Variants in EMC2 observed in about 807,000 individuals in gnomAD.
The protein encoded by EMC2 is ER membrane protein complex subunit 2, also known as TPR repeat protein 35.
A neutral mutation model predicts 51.6 loss-of-function variants in EMC2; 37 were observed. The ratio of observed to expected loss-of-function variants is 0.72; its 90% CI spans 0.55 to 0.94. The LOEUF (loss-of-function observed/expected upper bound fraction) is 0.94, where lower values mean the gene tolerates loss of function less well. Ranked by LOEUF, EMC2 falls within the 40% of genes least tolerant of loss-of-function variation. The probability of loss-of-function intolerance (pLI) is 0.00; values close to 1 mark genes in which losing one functional copy is unlikely to be tolerated. For synonymous variants in EMC2, 131 were observed against 112.4 expected, an observed-to-expected ratio of 1.17 and a Z score of -1.04; for missense variants, 359 against 350.9, an observed-to-expected ratio of 1.02 and a Z score of -0.18.
chr8:108,471,925 A>G (rs1400173350), intron 7 of EMC2, among the ~76,000 whole-genome samples: 2 of 151,968 alleles, frequency 1.3e-5, no homozygotes, highest in African/African-American at 4.8e-5. Flanking sequence ...CCTCTTTAAC[A>G]ACACTGGATA....
chr8:108,462,720 C>G (rs1400760978), intron 5 of EMC2, among the ~76,000 whole-genome samples: 2 of 147,258 alleles, frequency 1.4e-5, no homozygotes, highest in African/African-American at 5.1e-5. Context: ...ATTATGAGTA[C>G]TGCTGAACAT....
chr8:108,466,345 TGAA>T (rs1404203813), intron 5 of EMC2, among the ~76,000 whole-genome samples: 1 of 152,084 alleles, frequency 6.6e-6, no homozygotes, highest in African/African-American at 2.4e-5. Context: ...TTGCTGCTGT[TGAA>T]GAGTATGTGA....
intron 1 of EMC2, chr8:108,446,019 G>C (rs900278095): frequency 6.6e-6 from 1 of 152,556 alleles, no homozygotes; most frequent in Non-Finnish European, 1.5e-5. Context: ...CCAATCTCCT[G>C]ACTTTATCAT....
rs1383064661 is a variant in EMC2, at chr8:108,488,206, C to G, written c.*1608C>G. On this transcript the variant is annotated 3_prime_UTR_variant, in exon 11 of 11. Transcript: ENST00000220853. ...TTTTGAGACAGTCTCGTTCTGTCAC[C>G]CAGGCTGGAGTGCAGTGACGTGATC... Among the ~76,000 whole-genome samples the G allele has an allele frequency of 6.6e-6, 1 of 151,304 alleles. No homozygotes were observed. Among genetic ancestry groups the G allele is most frequent in the African/African-American group, 2.4e-5 (1 of 41,164 alleles).
chr8:108,486,487 G>GTTTTT, intron 10 of EMC2, 25 bp from the exon 11 acceptor site: 1 of 1,270,596 alleles, frequency 7.9e-7, no homozygotes, highest in Non-Finnish European at 1.0e-6. Context: ...GCCTAATTGA[G>GTTTTT]CTTTTTTTTT....
chr8:108,447,137 C>T (rs1818895945), intron 1 of EMC2, among the ~76,000 whole-genome samples: 1 of 151,946 alleles, frequency 6.6e-6, no homozygotes, highest in South Asian at 2.1e-4. Flanking sequence ...AAACTGAAAC[C>T]AAAGTTGCAT....
At position 108,488,928 on chromosome 8, in the gene EMC2, T is replaced by G. The variant is rs1480838904; in HGVS notation, c.*2330T>G. Among the ~76,000 whole-genome samples, 1 of 152,146 alleles carries G rather than the reference T, an allele frequency of 6.6e-6. No individual in the cohort carries two copies. Among genetic ancestry groups the G allele is most frequent in the African/African-American group, 2.4e-5 (1 of 41,454 alleles). On this transcript the variant is annotated 3_prime_UTR_variant, in exon 11 of 11. Coordinates refer to ENST00000220853, the MANE Select transcript of EMC2 (RefSeq NM_014673.5). Reference sequence around the variant, plus strand: ...ACTGAGAAGGGCTTTCCTTTCAAATTAAAAAATCAGAGCTTTGTGTGGTAA... The same window carrying G: ...ACTGAGAAGGGCTTTCCTTTCAAATGAAAAAATCAGAGCTTTGTGTGGTAA...
At chr8:108,454,711 A>G (rs1819111486) in intron 4 of EMC2, among the ~76,000 whole-genome samples, 1 of 151,896 alleles carries the variant, frequency 6.6e-6, no homozygotes, top group Admixed American at 6.6e-5. Context: ...GTTCTAACCA[A>G]TATTATTTTC....
At chr8:108,468,912 G>A (rs181077893) in intron 5 of EMC2, among the ~76,000 whole-genome samples, 18 of 152,102 alleles carry the variant, frequency 1.2e-4, no homozygotes, top group Non-Finnish European at 2.5e-4. Flanking sequence ...TTCCCACTAT[G>A]CAGTTTCCAT....
chr8:108,469,285 T>C (rs948238304), intron 5 of EMC2, among the ~76,000 whole-genome samples: 4 of 152,330 alleles, frequency 2.6e-5, no homozygotes, highest in South Asian at 4.1e-4. Context: ...TTAAAAACTT[T>C]AGAATACAGC....
chr8:108,457,730 A>G (rs923239142), intron 5 of EMC2, among the ~76,000 whole-genome samples: 1 of 152,210 alleles, frequency 6.6e-6, no homozygotes, highest in Non-Finnish European at 1.5e-5. Flanking sequence ...TGTGGAAGTT[A>G]CAATTCAAGA....
In EMC2 at chr8:108,453,165, G is replaced by A. The variant is rs1484042630; in HGVS notation, c.305+18G>A. On this transcript the variant is annotated intron_variant, in intron 4 of 10. Transcript: ENST00000220853. ...ATGGAAAGGTAACCAAATCTTATCA[G>A]CTGGCAGGCATGGAGCCTGTTAATC... is the stretch of plus-strand genomic sequence containing the variant. The A allele has an allele frequency of 1.2e-5, 18 of 1,492,212 alleles. No individual in the cohort carries two copies. Among genetic ancestry groups the A allele is most frequent in the Non-Finnish European group, 1.5e-5 (16 of 1,086,044 alleles). 92.4% of individuals were successfully genotyped at this position (1,492,212 alleles called of 1,614,324 possible). A position where few individuals can be genotyped will look rare whatever the true frequency, so the allele number is the denominator to read the frequency against.
At chr8:108,479,900 T>C (rs1012844378) in intron 10 of EMC2, among the ~76,000 whole-genome samples, 2 of 152,124 alleles carry the variant, frequency 1.3e-5, no homozygotes. Context: ...TGCCCAGCTA[T>C]TTCATTCTGT....
chr8:108,453,500 T>G (rs1819080566), intron 4 of EMC2, among the ~76,000 whole-genome samples: 1 of 152,148 alleles, frequency 6.6e-6, no homozygotes, highest in Non-Finnish European at 1.5e-5. Flanking sequence ...TTTTATTTTC[T>G]AAATGGTGCC....
In EMC2 at chr8:108,476,890, A is replaced by G. The variant is rs377099218; in HGVS notation, c.700A>G (p.Met234Val). 2.1e-6 allele frequency: 3 copies of G among 1,415,166 alleles called. No individual in the cohort carries two copies. The highest frequency in any genetic ancestry group is 2.0e-6 in the Non-Finnish European group (2 of 999,410). 87.7% of individuals were successfully genotyped at this position (1,415,166 alleles called of 1,614,324 possible). The change falls in exon 9 of 11, where the codon ATG becomes GTG. Residue 234 changes from methionine to valine, a missense_variant and splice_region_variant. Met to Val is a conservative substitution (Grantham distance 21). Coordinates refer to ENST00000220853, the MANE Select transcript of EMC2 (RefSeq NM_014673.5). ...RNMRALFGLY[M>V]SASHIASNPK... ...TATGAGAGCTTTGTTTGGACTTTAT[A>G]TGGTGAGTTGAGGTGCATGTTTAAT...
At chr8:108,459,703 T>TGAGAGAGAGAGA (rs71303985) in intron 5 of EMC2, among the ~76,000 whole-genome samples, 166 of 126,380 alleles carry the variant, frequency 1.3e-3, no homozygotes, top group Middle Eastern at 4.0e-3. Flanking sequence ...CCAAGCCATG[T>TGAGAGAGAGAGA]GAGAGAGAGA....
intron 5 of EMC2, 149 bp from the exon 6 acceptor site, chr8:108,469,677 T>C: frequency 1.7e-6 from 1 of 599,140 alleles, no homozygotes; most frequent in Non-Finnish European, 3.0e-6. Flanking sequence ...TGGGATGTCA[T>C]GGGGTATGTT....
At chr8:108,471,054 T>C (rs1419794151) in intron 7 of EMC2, 1 of 151,986 alleles carries the variant, frequency 6.6e-6, no homozygotes, top group African/African-American at 2.4e-5. Flanking sequence ...GTAATAGCTG[T>C]AATTTAATGA....
intron 1 of EMC2, among the ~76,000 whole-genome samples, chr8:108,447,497 GA>G (rs1818905731): frequency 6.6e-6 from 1 of 152,150 alleles, no homozygotes; most frequent in African/African-American, 2.4e-5. Flanking sequence ...TTATGTAAAT[GA>G]ATCTGTAAGT....
Sources: allele counts gnomAD v4.1 joint callset (sites outside exome capture counted in the v4.1 genomes callset), GRCh38; gene constraint gnomAD v4.1.1; transcripts MANE v1.5; gene names NCBI Gene and HGNC (gene_info 2026-07-23, HGNC 2026-07-21).